SLC6A19: variants seen among roughly 807,000 people sequenced by gnomAD.
SLC6A19 encodes solute carrier family 6 member 19.
SLC6A19 carries 67 observed loss-of-function variants against 68.3 expected under a neutral mutation model. The observed-to-expected ratio is 0.98, with a 90% confidence interval of 0.81 to 1.20. The LOEUF is 1.20. SLC6A19 is among the 50% of genes most tolerant of loss of function. The pLI, the probability that SLC6A19 is intolerant of heterozygous loss-of-function variation, is 0.00. For synonymous variants in SLC6A19, 392 were observed against 374.9 expected (o/e 1.05, Z -0.53); for missense variants, 813 against 851.6 (o/e 0.95, Z 0.56).
In SLC6A19 at chr5:1,219,525, T is replaced by C. The variant is rs760128082; in HGVS notation, c.1399T>C (p.Phe467Leu). The change falls in exon 10 of 12, where the codon TTC (phenylalanine) becomes CTC (leucine). Residue 467 changes from phenylalanine (F) to leucine (L), a missense_variant. By Grantham distance (22) the Phe-to-Leu change is conservative. Coordinates refer to ENST00000304460, the MANE Select transcript of SLC6A19 (RefSeq NM_001003841.3). ...TGCAGGCCTCATCTGCCTGGGGACA[T>C]TCCTCATTGGCTTCATCTTCACGCT... is the stretch of plus-strand genomic sequence containing the variant. ...VLTGLICLGTFLIGFIFTLNS... is the reference protein window; with the variant it reads ...VLTGLICLGTLLIGFIFTLNS... The C allele has an allele frequency of 6.2e-7, 1 of 1,612,194 alleles. No individual in the cohort carries two copies. Among genetic ancestry groups the C allele is most frequent in the Admixed American group, 1.7e-5 (1 of 60,028 alleles).
chr5:1,213,609 G>A, intron 5 of SLC6A19, 36 bp downstream of exon 5: 1 of 1,576,684 alleles, frequency 6.3e-7, no homozygotes, highest in African/African-American at 1.4e-5. Context: ...CCAGACCCCG[G>A]GAGAGGCCTG....
chr5:1,217,089 C>G, intron 8 of SLC6A19, 144 bp downstream of exon 8: 1 of 1,351,622 alleles, frequency 7.4e-7, no homozygotes, highest in Non-Finnish European at 1.0e-6. Context: ...TCTGCTCTGC[C>G]TGGCGTCCAG....
In SLC6A19 at chr5:1,214,422, CCCCCGACGCCCTCCACGT is replaced by C. The variant is rs1327972973; in HGVS notation, c.887+365_887+382del. Among the ~76,000 whole-genome samples the C allele has an allele frequency of 2.6e-5, 4 of 152,156 alleles. No individual in the cohort carries two copies. The highest frequency in any genetic ancestry group is 9.7e-5 in the African/African-American group (4 of 41,426). On this transcript the variant is annotated intron_variant, in intron 6 of 11. Transcript: ENST00000304460. The surrounding 1 kb of genome is among the most constrained non-coding windows in gnomAD (Gnocchi z 7.4). ...ATCCCAGGCCCCCAGACATGTGGCG[CCCCCGACGCCCTCCACGT>C]CCCCGACCAAGGTCTGATCCTTCCA... is the stretch of plus-strand genomic sequence containing the variant.
At chr5:1,211,088 C>T (rs1288846230) in intron 3 of SLC6A19, among the ~76,000 whole-genome samples, 2 of 152,204 alleles carry the variant, frequency 1.3e-5, no homozygotes, top group Non-Finnish European at 2.9e-5. Context: ...GCGATTCACA[C>T]GTGGTCCTGG....
rs1561170336 is a variant in SLC6A19, at chr5:1,221,684, TG to T, written c.1702-13del. 1.2e-6 allele frequency: 2 copies of T among 1,613,714 alleles called. No individual in the cohort carries two copies. The highest frequency in any genetic ancestry group is 1.7e-6 in the Non-Finnish European group (2 of 1,179,822). On this transcript the variant is annotated splice_polypyrimidine_tract_variant and intron_variant, in intron 11 of 11. Coordinates refer to ENST00000304460, the MANE Select transcript of SLC6A19 (RefSeq NM_001003841.3). ...GGCTCCCGGGATGCCTACTCACCCATGGGGCTCTCTCCCCAGGAGGAATTTC... is the reference window on the plus strand; with the variant it reads ...GGCTCCCGGGATGCCTACTCACCCATGGGCTCTCTCCCCAGGAGGAATTTC...
chr5:1,217,817 C>T (rs895119357), intron 8 of SLC6A19, among the ~76,000 whole-genome samples: 8 of 152,238 alleles, frequency 5.3e-5, no homozygotes, highest in Non-Finnish European at 7.3e-5. Context: ...CCCCCGTCCA[C>T]GCCCGCAAGC....
intron 1 of SLC6A19, among the ~76,000 whole-genome samples, chr5:1,204,094 G>A (rs2126491120): frequency 6.6e-6 from 1 of 152,348 alleles, no homozygotes; most frequent in African/African-American, 2.4e-5. Flanking sequence ...AGTGACACCA[G>A]ATTTCCTAAT....
rs555553529 is a variant in SLC6A19, at chr5:1,218,221, G to A, written c.1174-682G>A. On this transcript the variant is annotated intron_variant, in intron 8 of 11. Transcript: ENST00000304460. ...ACTCGCATAGTTGTGTTAAGCGGCC[G>A]TGGAGGACCCTGTCTTCAGATGGGT... Among the ~76,000 whole-genome samples the A allele has an allele frequency of 2.6e-5, 4 of 152,348 alleles. No individual in the cohort carries two copies. The South Asian group carries it at 6.2e-4, about 24-fold the overall frequency.
chr5:1,210,748 T>C (rs1746005968), intron 3 of SLC6A19, among the ~76,000 whole-genome samples, 167 bp downstream of exon 3: 1 of 152,152 alleles, frequency 6.6e-6, no homozygotes, highest in Non-Finnish European at 1.5e-5. Context: ...TTAAAAGTGG[T>C]GGCTCTTGTG....
rs1449234425 is a variant in SLC6A19 at position 1,215,802 on chromosome 5, G to A, written c.888-756G>A. Among the ~76,000 whole-genome samples, 2 of 152,174 alleles carry A rather than the reference G, an allele frequency of 1.3e-5. No homozygotes were observed. The highest frequency in any genetic ancestry group is 2.9e-5 in the Non-Finnish European group (2 of 68,040). ...GCCTCTACATGCAGTCCTTCGAGGA[G>A]CTGTCAGGCTGTTTTCCACGGTGGC... On this transcript the variant is annotated intron_variant, in intron 6 of 11. Coordinates refer to ENST00000304460, the MANE Select transcript of SLC6A19 (RefSeq NM_001003841.3). This position sits in a 1 kb window ranked among gnomAD's most constrained non-coding sequence, Gnocchi z 5.1.
In SLC6A19 at chr5:1,208,748, G is replaced by A. The variant is rs1745926443; in HGVS notation, c.205G>A (p.Ala69Thr). ...PYLCQSHGGG[A>T]FMIPFLILLV... ...ATGGTGGACTCCTCCCATTGCAGGA[G>A]CCTTCATGATCCCGTTCCTCATCCT... The change falls in exon 2 of 12, where the codon GCC becomes ACC. Residue 69 changes from alanine to threonine, a missense_variant and splice_region_variant. By Grantham distance (58) the Ala-to-Thr change is moderately conservative. Transcript: ENST00000304460. The A allele has an allele frequency of 1.2e-6, 2 of 1,613,336 alleles. No individual in the cohort carries two copies. Among genetic ancestry groups the A allele is most frequent in the Non-Finnish European group, 1.7e-6 (2 of 1,180,006 alleles).
At chr5:1,213,156 C>G (rs1195705490) in intron 4 of SLC6A19, among the ~76,000 whole-genome samples, 1 of 131,960 alleles carries the variant, frequency 7.6e-6, no homozygotes, top group East Asian at 2.3e-4. Flanking sequence ...GCCTGGCCCC[C>G]CTCCGCACCA....
intron 1 of SLC6A19, among the ~76,000 whole-genome samples, chr5:1,206,192 T>C (rs1192955814): frequency 6.6e-6 from 1 of 152,106 alleles, no homozygotes; most frequent in East Asian, 1.9e-4. Context: ...AGGGGCCAAG[T>C]GAGGAAGTCA....
intron 8 of SLC6A19, among the ~76,000 whole-genome samples, chr5:1,218,600 G>T (rs1474860077): frequency 6.6e-6 from 1 of 152,240 alleles, no homozygotes; most frequent in Non-Finnish European, 1.5e-5. Flanking sequence ...TGGCTCAGCT[G>T]CACTGGATCA....
chr5:1,219,659 G>A lies in SLC6A19; in HGVS notation c.1533G>A (p.Val511=). ...EMFSVVYVYG[V]DRFNKDIEFM... ...TCTCTGTGGTCTACGTGTACGGTGT[G>A]GACAGGTAGGGGCCACGGTGGGGAC... Residue 511 remains valine (V), a synonymous_variant, in exon 10 of 12, where the codon GTG becomes GTA. Coordinates refer to ENST00000304460, the MANE Select transcript of SLC6A19 (RefSeq NM_001003841.3). The A allele has an allele frequency of 1.2e-6, 2 of 1,604,700 alleles. No homozygotes were observed. Among genetic ancestry groups the A allele is most frequent in the Non-Finnish European group, 1.7e-6 (2 of 1,179,982 alleles).
chr5:1,203,805 A>C (rs554204409), intron 1 of SLC6A19, among the ~76,000 whole-genome samples: 27 of 152,348 alleles, frequency 1.8e-4, no homozygotes, highest in African/African-American at 6.3e-4. Flanking sequence ...CCAGAAGGGC[A>C]GGGCCCCGAG....
At chr5:1,219,773 T>C in intron 10 of SLC6A19, 109 bp downstream of exon 10, 3 of 1,495,794 alleles carry the variant, frequency 2.0e-6, no homozygotes, top group South Asian at 2.3e-5. Flanking sequence ...GGAGAGTCTA[T>C]GACTCGGGGC....
rs2126502836 is a variant in SLC6A19, at chr5:1,212,281, G to A, written c.482-22G>A. On this transcript the variant is annotated intron_variant, in intron 3 of 11. Coordinates refer to ENST00000304460, the MANE Select transcript of SLC6A19 (RefSeq NM_001003841.3). This position sits in a 1 kb window ranked among gnomAD's most constrained non-coding sequence, Gnocchi z 5.1. The stretch of plus-strand genomic sequence containing the variant: ...CCTTGGGGGACCCGTACCCTGAGGT[G>A]TGTGAATGGCCCTCTCCCCAGGGTA... The A allele has an allele frequency of 1.2e-6, 2 of 1,612,506 alleles. No homozygotes were observed. Among genetic ancestry groups the A allele is most frequent in the Middle Eastern group, 1.7e-4 (1 of 6,058 alleles).
Position 1,216,623 on chromosome 5 carries a change from C to G in SLC6A19, c.953C>G (p.Ala318Gly). 1 of 1,614,086 alleles carries G rather than the reference C, an allele frequency of 6.2e-7. No individual in the cohort carries two copies. Among genetic ancestry groups the G allele is most frequent in the South Asian group, 1.1e-5 (1 of 91,082 alleles). ...IINGFTSVYV[A>G]IVVYSVIGFR... Reference sequence around the variant, plus strand: ...AACGGCTTCACATCGGTGTATGTGGCCATCGTGGTCTACTCCGTCATTGGG... The same window carrying G: ...AACGGCTTCACATCGGTGTATGTGGGCATCGTGGTCTACTCCGTCATTGGG... The change falls in exon 7 of 12, where the codon GCC (alanine) becomes GGC (glycine). Residue 318 changes from alanine to glycine, a missense_variant. Ala to Gly is a moderately conservative substitution (Grantham distance 60). Transcript: ENST00000304460.
Sources: allele counts gnomAD v4.1 joint callset (sites outside exome capture counted in the v4.1 genomes callset), GRCh38; gene constraint gnomAD v4.1.1; non-coding constraint Gnocchi (gnomAD v3.1); transcripts MANE v1.5; gene names NCBI Gene and HGNC (gene_info 2026-07-23, HGNC 2026-07-21).